The following FILIP1L variants were observed in gnomAD, a reference collection of about 807,000 sequenced individuals.
FILIP1L encodes filamin A interacting protein 1 like, also known as filamin A-interacting protein 1-like.
In FILIP1L, 55 loss-of-function variants were observed where a neutral mutation model predicts 96.6. The observed-to-expected ratio is 0.57, with a 90% CI of 0.46 to 0.71. FILIP1L has a LOEUF of 0.71. Among genes scored for constraint, FILIP1L ranks in the 30% least tolerant of loss-of-function variants. FILIP1L has a pLI of 0.00. For synonymous variants in FILIP1L, 467 were observed against 473.9 expected (o/e 0.99, Z 0.19); for missense variants, 1,304 against 1,321.2 (o/e 0.99, Z 0.20).
At chr3:99,846,849 A>C (rs556666512) in intron 5 of FILIP1L, among the ~76,000 whole-genome samples, 18 of 152,320 alleles carry the variant, frequency 1.2e-4, no homozygotes, top group Admixed American at 1.2e-3. Context: ...AATTAACCAC[A>C]CTAAATTAAC....
rs536886230 is a variant in FILIP1L, at chr3:99,935,370, C to A, written c.-10-4340G>T. Among the ~76,000 whole-genome samples the A allele has an allele frequency of 2.6e-5, 4 of 151,904 alleles. No homozygotes were observed. In the East Asian group the frequency reaches 7.7e-4, roughly 29 times the overall value. ...CTAGTGAGTTTACAAGGGAAAAAAA[C>A]CTGCTTAGTTGTCAGTTTAACACAG... On this transcript the variant is annotated intron_variant, in intron 1 of 5. Coordinates refer to ENST00000477258, the MANE Select transcript of FILIP1L (RefSeq NM_001387850.1).
At chr3:99,886,565 G>T (rs191266373) in intron 4 of FILIP1L, among the ~76,000 whole-genome samples, 10 of 152,206 alleles carry the variant, frequency 6.6e-5, no homozygotes, top group African/African-American at 2.2e-4. Context: ...CCAGATTTTG[G>T]GGGGGTAGAT....
intron 1 of FILIP1L, among the ~76,000 whole-genome samples, chr3:100,014,204 A>T (rs928426420): frequency 2.7e-5 from 4 of 150,924 alleles, no homozygotes; most frequent in African/African-American, 2.4e-5. Flanking sequence ...GTATATATAT[A>T]TTATATATAT....
intron 1 of FILIP1L, among the ~76,000 whole-genome samples, chr3:99,996,815 C>T (rs1318522856): frequency 6.6e-6 from 1 of 151,864 alleles, no homozygotes; most frequent in Admixed American, 6.6e-5. Flanking sequence ...AATTATCTCC[C>T]ACCGAGTCCC....
intron 1 of FILIP1L, among the ~76,000 whole-genome samples, chr3:99,996,782 G>C (rs1231279093): frequency 4.6e-5 from 7 of 151,870 alleles, no homozygotes; most frequent in Non-Finnish European, 8.8e-5. Flanking sequence ...GAACAGTATG[G>C]GGAAAACCGG....
chr3:99,865,154 T>C (rs570112029), intron 4 of FILIP1L, among the ~76,000 whole-genome samples: 1 of 152,342 alleles, frequency 6.6e-6, no homozygotes, highest in East Asian at 1.9e-4. Flanking sequence ...AATTTTTATA[T>C]GCCATGTACC....
At chr3:99,964,428 T>G (rs931390621) in intron 1 of FILIP1L, 1 of 152,024 alleles carries the variant, frequency 6.6e-6, no homozygotes, top group African/African-American at 2.4e-5. Context: ...TTAAACAGGA[T>G]CAAGGCCAAA....
chr3:99,912,681 A>C (rs1438882512), intron 4 of FILIP1L, among the ~76,000 whole-genome samples: 1 of 152,196 alleles, frequency 6.6e-6, no homozygotes, highest in Admixed American at 6.5e-5. Flanking sequence ...CCTGGCCCAC[A>C]GAGCTTCTTT....
rs1943615004 is a variant in FILIP1L at position 99,850,372 on chromosome 3, T to C, written c.1304A>G (p.Asn435Ser). Residue 435 changes from asparagine (N) to serine (S), a missense_variant, in exon 5 of 6, where the codon AAC becomes AGC. Physicochemically the swap from Asn to Ser is conservative, Grantham distance 46. Transcript: ENST00000477258. ...MALEKLEDAF[N>S]KSKQECYSLK... is the part of the protein sequence containing the mutation. The stretch of plus-strand genomic sequence containing the variant: ...AGAGTAGCATTCTTGTTTGCTTTTG[T>C]TGAAAGCGTCTTCTAACTTTTCCAG... The C allele has an allele frequency of 6.2e-7, 1 of 1,613,066 alleles. No individual in the cohort carries two copies. Among genetic ancestry groups the C allele is most frequent in the Non-Finnish European group, 8.5e-7 (1 of 1,179,828 alleles).
At chr3:100,112,243 G>A (rs894406051) in intron 1 of FILIP1L, among the ~76,000 whole-genome samples, 3 of 152,216 alleles carry the variant, frequency 2.0e-5, no homozygotes, top group South Asian at 4.1e-4. Flanking sequence ...AAGGTGAAGC[G>A]GGTATTACAT....
At chr3:99,979,167 A>T (rs1709050622) in intron 1 of FILIP1L, among the ~76,000 whole-genome samples, 2 of 152,226 alleles carry the variant, frequency 1.3e-5, no homozygotes, top group South Asian at 4.1e-4. Flanking sequence ...CACACTGTAT[A>T]CCTATATCAG....
intron 1 of FILIP1L, chr3:100,023,520 A>G (rs1399682623): frequency 6.6e-6 from 1 of 152,644 alleles, no homozygotes; most frequent in Non-Finnish European, 1.5e-5. Context: ...ATGTGAAAGA[A>G]CTGTAAGTGG....
At chr3:99,833,340 G>T in intron 5 of FILIP1L, 1 of 1,275,280 alleles carries the variant, frequency 7.8e-7, no homozygotes. Context: ...TTTATCCATA[G>T]ATTCTCAAAA....
At chr3:100,097,245 C>G (rs1197968766) in intron 1 of FILIP1L, among the ~76,000 whole-genome samples, 1 of 152,204 alleles carries the variant, frequency 6.6e-6, no homozygotes, top group African/African-American at 2.4e-5. Flanking sequence ...AACCACCAAC[C>G]ATCCCATCCG....
chr3:99,982,365 G>T, intron 1 of FILIP1L, among the ~76,000 whole-genome samples: 1 of 150,950 alleles, frequency 6.6e-6, no homozygotes. Context: ...TTTGAGACAG[G>T]GTCTCACTCT....
At chr3:99,860,995 A>G (rs775094752) in intron 4 of FILIP1L, among the ~76,000 whole-genome samples, 47 of 152,180 alleles carry the variant, frequency 3.1e-4, no homozygotes, top group Non-Finnish European at 5.9e-4. Flanking sequence ...AGGAGCTTTT[A>G]AAAAGTTAAT....
chr3:100,064,979 CAT>C (rs772250882), intron 1 of FILIP1L, among the ~76,000 whole-genome samples: 19 of 152,182 alleles, frequency 1.2e-4, no homozygotes, highest in African/African-American at 3.6e-4. Flanking sequence ...CACACATACA[CAT>C]GTGTGTGTAA....
chr3:99,911,320 A>G (rs1036088360), intron 4 of FILIP1L, among the ~76,000 whole-genome samples: 64 of 148,344 alleles, frequency 4.3e-4, no homozygotes, highest in African/African-American at 1.5e-3. Flanking sequence ...ATTATATATT[A>G]TATAATATAT....
At chr3:99,910,461 G>A (rs1706753478) in intron 4 of FILIP1L, among the ~76,000 whole-genome samples, 2 of 136,162 alleles carry the variant, frequency 1.5e-5, no homozygotes, top group African/African-American at 5.0e-5. Context: ...TCCTATCACT[G>A]AGAGCTTTTA....
Sources: gnomAD v4.1 joint callset for allele counts (sites outside exome capture counted in the v4.1 genomes callset) on GRCh38, gnomAD v4.1.1 for gene constraint, MANE v1.5 for transcripts, NCBI Gene and HGNC (gene_info 2026-07-23, HGNC 2026-07-21) for gene names.